Variants in KLHL7 observed in about 807,000 individuals in gnomAD.
KLHL7 encodes kelch-like protein 7.
In KLHL7, 44 loss-of-function variants were observed where a neutral mutation model predicts 67.4. The ratio of observed to expected loss-of-function variants is 0.65; its 90% CI spans 0.51 to 0.84. The LOEUF (loss-of-function observed/expected upper bound fraction) is 0.84, where lower values mean the gene tolerates loss of function less well. Ranked by LOEUF, KLHL7 falls within the 40% of genes least tolerant of loss-of-function variation. The pLI is 0.00. For synonymous variants in KLHL7, 252 were observed against 243.3 expected (o/e 1.04, Z -0.33); for missense variants, 362 against 718.1 (o/e 0.50, Z 5.67).
intron 4 of KLHL7, among the ~76,000 whole-genome samples, chr7:23,140,337 G>A (rs1172735393): frequency 6.6e-6 from 1 of 152,078 alleles, no homozygotes; most frequent in Non-Finnish European, 1.5e-5. Flanking sequence ...GGCGGATCAC[G>A]AGGTCAGGAG....
chr7:23,136,741 AG>A (rs1469185286), intron 4 of KLHL7, among the ~76,000 whole-genome samples: 7 of 152,356 alleles, frequency 4.6e-5, no homozygotes, highest in African/African-American at 1.4e-4. Context: ...ATTTAACCAA[AG>A]AATTATTTAG....
intron 7 of KLHL7, among the ~76,000 whole-genome samples, chr7:23,156,489 C>A (rs1784711874): frequency 6.6e-6 from 1 of 152,108 alleles, no homozygotes; most frequent in Admixed American, 6.5e-5. Flanking sequence ...GATATTAATA[C>A]CTAAATAAAA....
At chr7:23,164,632 T>C (rs764115887) in intron 7 of KLHL7, among the ~76,000 whole-genome samples, 5 of 152,200 alleles carry the variant, frequency 3.3e-5, no homozygotes, top group Non-Finnish European at 5.9e-5. Context: ...CTATTAAGGC[T>C]CTATTTTCCT....
At chr7:23,134,924 T>A (rs1783925445) in intron 4 of KLHL7, among the ~76,000 whole-genome samples, 1 of 152,194 alleles carries the variant, frequency 6.6e-6, no homozygotes. Context: ...ATCTTTTGTA[T>A]TTTTTTCATT....
Position 23,105,957 on chromosome 7 carries a change from C to T in KLHL7, c.-70C>T. On this transcript the variant is annotated 5_prime_UTR_variant, in exon 1 of 11. Transcript: ENST00000339077. ...CGCCGTGTTTGGTCGATAGAATCCC[C>T]AGTGTGCCCAGAGAGTGCGACCCCT... is the stretch of plus-strand genomic sequence containing the variant. 1 of 1,572,832 alleles carries T rather than the reference C, an allele frequency of 6.4e-7. No homozygotes were observed. The highest frequency in any genetic ancestry group is 8.6e-7 in the Non-Finnish European group (1 of 1,163,804).
At chr7:23,150,288 C>A (rs552712505) in intron 6 of KLHL7, among the ~76,000 whole-genome samples, 9 of 152,266 alleles carry the variant, frequency 5.9e-5, no homozygotes, top group African/African-American at 2.2e-4. Context: ...CTCTCTCATT[C>A]TCTTACCCTG....
In KLHL7 at chr7:23,125,173, G is replaced by A; in HGVS notation, c.442+1G>A. 6.2e-7 allele frequency: 1 copy of A among 1,612,900 alleles called. No homozygotes were observed. Among genetic ancestry groups the A allele is most frequent in the Non-Finnish European group, 8.5e-7 (1 of 1,179,290 alleles). ...CAAGTTGATGCTTCAAATTGTCTTG[G>A]TAAGAAATATCAGATTCCTGTTGTG... On this transcript the variant is annotated splice_donor_variant, in intron 4 of 10. Coordinates refer to ENST00000339077, the MANE Select transcript of KLHL7 (RefSeq NM_001031710.3). LOFTEE classifies it high-confidence loss of function.
Position 23,105,790 on chromosome 7 carries a change from C to T in KLHL7, c.-237C>T, listed in dbSNP as rs568684723. The stretch of plus-strand genomic sequence containing the variant: ...CAGGCTCCTGGGCAGGGCTCGGGTT[C>T]TGCCCGGGGACGCAGCCCAGTTGGT... On this transcript the variant is annotated 5_prime_UTR_variant, in exon 1 of 11. Coordinates refer to ENST00000339077, the MANE Select transcript of KLHL7 (RefSeq NM_001031710.3). 1.0e-3 allele frequency: 582 copies of T among 559,520 alleles called. 10 individuals are homozygous for T. Among genetic ancestry groups the T allele is most frequent in the Non-Finnish European group, 1.1e-4 (34 of 316,502 alleles). The allele number at this position is 559,520 out of a possible 1,614,324, so 34.7% of individuals were successfully genotyped here. A position where few individuals can be genotyped will look rare whatever the true frequency, so the allele number is the denominator to read the frequency against.
chr7:23,111,689 G>A (rs886535896), intron 1 of KLHL7, among the ~76,000 whole-genome samples: 5 of 151,940 alleles, frequency 3.3e-5, no homozygotes, highest in African/African-American at 7.3e-5. Flanking sequence ...AGGCATAGTC[G>A]CACGTGCCTG....
intron 1 of KLHL7, among the ~76,000 whole-genome samples, chr7:23,116,096 GCA>G (rs1783077330): frequency 6.6e-6 from 1 of 152,222 alleles, no homozygotes. Context: ...GTTCTGCAGA[GCA>G]CAGTTTGTGG....
intron 7 of KLHL7, among the ~76,000 whole-genome samples, chr7:23,157,355 G>A (rs899021833): frequency 6.6e-6 from 1 of 152,226 alleles, no homozygotes; most frequent in African/African-American, 2.4e-5. Context: ...GGCCCCAGCA[G>A]CTGACATTGC....
intron 6 of KLHL7, among the ~76,000 whole-genome samples, chr7:23,144,961 G>A (rs1486929595): frequency 1.3e-5 from 2 of 151,716 alleles, no homozygotes; most frequent in Non-Finnish European, 2.9e-5. Flanking sequence ...AGCCGGGCGT[G>A]GAGGCATGTG....
Position 23,105,792 on chromosome 7 carries a change from G to GC in KLHL7, c.-232dup, listed in dbSNP as rs1200058818. ...GGCTCCTGGGCAGGGCTCGGGTTCT[G>GC]CCCGGGGACGCAGCCCAGTTGGTAG... On this transcript the variant is annotated 5_prime_UTR_variant, in exon 1 of 11. Coordinates refer to ENST00000339077, the MANE Select transcript of KLHL7 (RefSeq NM_001031710.3). 1 of 566,818 alleles carries GC rather than the reference G, an allele frequency of 1.8e-6. No homozygotes were observed. Among genetic ancestry groups the GC allele is most frequent in the Non-Finnish European group, 3.1e-6 (1 of 321,550 alleles). The allele number at this position is 566,818 out of a possible 1,614,324, so 35.1% of individuals were successfully genotyped here.
chr7:23,109,826 C>A (rs1045195096), intron 1 of KLHL7, among the ~76,000 whole-genome samples: 1 of 152,218 alleles, frequency 6.6e-6, no homozygotes, highest in Non-Finnish European at 1.5e-5. Context: ...TCTTAACTTT[C>A]ATTGACAATT....
chr7:23,108,157 C>T (rs918104146), intron 1 of KLHL7, among the ~76,000 whole-genome samples: 1 of 152,220 alleles, frequency 6.6e-6, no homozygotes, highest in Non-Finnish European at 1.5e-5. Context: ...ACAAGGACCC[C>T]TCTGTAAACA....
intron 10 of KLHL7, 37 bp from the exon 11 acceptor site, chr7:23,173,978 T>C (rs368361167): frequency 1.5e-5 from 24 of 1,595,140 alleles, no homozygotes; most frequent in East Asian, 2.2e-5. Context: ...ATTGTTGATA[T>C]AGTTTTTCAT....
At position 23,174,707 on chromosome 7, in the gene KLHL7, G is replaced by A. The variant is rs1257975279; in HGVS notation, c.*409G>A. 1 of 455,918 alleles carries A rather than the reference G, an allele frequency of 2.2e-6. No individual in the cohort carries two copies. The highest frequency in any genetic ancestry group is 1.6e-5 in the South Asian group (1 of 64,498). 28.2% of individuals were successfully genotyped at this position (455,918 alleles called of 1,614,324 possible). On this transcript the variant is annotated 3_prime_UTR_variant, in exon 11 of 11. Transcript: ENST00000339077. ...CTGTTTGTGCTCAGTCAAGAACTAAGAAATAGTATGAATTGTAAGTCAAGA... is the reference window on the plus strand; with the variant it reads ...CTGTTTGTGCTCAGTCAAGAACTAAAAAATAGTATGAATTGTAAGTCAAGA...
Position 23,171,188 on chromosome 7 carries a change from A to G in KLHL7, c.1380-1760A>G, listed in dbSNP as rs1424527542. The stretch of plus-strand genomic sequence containing the variant: ...CCAAAGTGCTGGGATTACAGGCGAA[A>G]AAACGCTTCTAAACATTAAACTTCA... On this transcript the variant is annotated intron_variant, in intron 9 of 10. Coordinates refer to ENST00000339077, the MANE Select transcript of KLHL7 (RefSeq NM_001031710.3). The G allele has an allele frequency of 1.7e-5, 6 of 361,252 alleles. No homozygotes were observed. The East Asian group carries it at 6.3e-4, about 38-fold the overall frequency. 22.4% of individuals were successfully genotyped at this position (361,252 alleles called of 1,614,324 possible).
At chr7:23,172,872 A>C in intron 9 of KLHL7, 76 bp from the exon 10 acceptor site, 1 of 1,055,314 alleles carries the variant, frequency 9.5e-7, no homozygotes, top group Non-Finnish European at 1.5e-6. Flanking sequence ...CTTAATTAGA[A>C]TAATAGACCT....
Sources: allele counts gnomAD v4.1 joint callset (sites outside exome capture counted in the v4.1 genomes callset), GRCh38; gene constraint gnomAD v4.1.1; transcripts MANE v1.5; gene names NCBI Gene and HGNC (gene_info 2026-07-23, HGNC 2026-07-21).